The following DNAH11 variants were observed in gnomAD, a reference collection of about 807,000 sequenced individuals.
The protein encoded by DNAH11 is axonemal beta dynein heavy chain 11.
DNAH11 carries 442 observed loss-of-function variants against 526.0 expected under a neutral mutation model. That is an observed-to-expected ratio of 0.84 (90% CI 0.78 to 0.91). The LOEUF (loss-of-function observed/expected upper bound fraction) is 0.91. Ranked by LOEUF, DNAH11 falls within the 40% of genes least tolerant of loss-of-function variation. The pLI, the probability that DNAH11 is intolerant of heterozygous loss-of-function variation, is 0.00. For synonymous variants in DNAH11, 2,461 were observed against 1,935.9 expected, an observed-to-expected ratio of 1.27 and a Z score of -7.12; for missense variants, 6,989 against 5,448.7, an observed-to-expected ratio of 1.28 and a Z score of -8.90.
intron 36 of DNAH11, among the ~76,000 whole-genome samples, chr7:21,701,203 C>A (rs536505996): frequency 1.6e-4 from 25 of 152,164 alleles, no homozygotes; most frequent in African/African-American, 5.8e-4. Context: ...TTTTCCATGG[C>A]CCACAGTAAA....
Position 21,773,942 on chromosome 7 carries a change from C to T in DNAH11, c.9279C>T (p.Ser3093=), listed in dbSNP as rs200160729. 134 of 1,590,080 alleles carry T rather than the reference C, an allele frequency of 8.4e-5. No individual in the cohort carries two copies. Among genetic ancestry groups the T allele is most frequent in the Admixed American group, 1.2e-4 (7 of 56,220 alleles). The part of the protein sequence containing the change: ...NLLKKKQNEV[S]EKKERLVNGI... ...TGAAGAAGAAGCAAAATGAGGTATC[C>T]GAGAAAAAAGAACGCCTGGTGAACG... Residue 3093 remains serine (S), a synonymous_variant, in exon 56 of 82, where the codon TCC becomes TCT. Coordinates refer to ENST00000409508, the MANE Select transcript of DNAH11 (RefSeq NM_001277115.2).
At chr7:21,825,776 G>C (rs542991216) in intron 65 of DNAH11, among the ~76,000 whole-genome samples, 1 of 151,932 alleles carries the variant, frequency 6.6e-6, no homozygotes, top group Non-Finnish European at 1.5e-5. Context: ...TGGCGAACAC[G>C]GTGAAACCCC....
In DNAH11 at chr7:21,543,478, G is replaced by C; in HGVS notation, c.233G>C (p.Ser78Thr). The change falls in exon 1 of 82, where the codon AGC becomes ACC. Residue 78 changes from serine (S) to threonine (T), a missense_variant. Physicochemically the swap from Ser to Thr is moderately conservative, Grantham distance 58 (BLOSUM62 1). Transcript: ENST00000409508. ...MMLGFTEEKW[S>T]QYLESEDNRQ... ...CTGGGGTTCACGGAGGAGAAATGGA[G>C]CCAGTATTTGGAAAGCGAGGACAAC... is the stretch of plus-strand genomic sequence containing the variant. The C allele has an allele frequency of 6.3e-7, 1 of 1,596,472 alleles. No individual in the cohort carries two copies. The highest frequency in any genetic ancestry group is 8.5e-7 in the Non-Finnish European group (1 of 1,171,162).
rs569307380 is a variant in DNAH11 at position 21,843,482 on chromosome 7, GTTT to G, written c.10896+748_10896+750del. 4.6e-5 allele frequency among the ~76,000 whole-genome samples: 6 copies of G among 130,854 alleles called. 1 individual carries two copies. The highest frequency in any genetic ancestry group is 1.7e-4 in the African/African-American group (6 of 34,632). 85.8% of individuals were successfully genotyped at this position (130,854 alleles called of 152,430 possible). A position where few individuals can be genotyped will look rare whatever the true frequency, so the allele number is the denominator to read the frequency against. On this transcript the variant is annotated intron_variant, in intron 66 of 81. Transcript: ENST00000409508. ...GGAATGCTATGCTCAGGTTTTTTTT[GTTT>G]TTTTTTTTTTTTTGAGACAGAGTCT...
At position 21,739,144 on chromosome 7, in the gene DNAH11, C is replaced by T. The variant is rs10233759; in HGVS notation, c.7811+278C>T. 0.049 allele frequency among the ~76,000 whole-genome samples: 7,424 copies of T among 152,194 alleles called. 583 individuals carry two copies. The highest frequency in any genetic ancestry group is 0.17 in the African/African-American group (6,964 of 41,496). ...TAAGACTGTCCGGAAATCATGTCCT[C>T]TTTAAGAATTAACTCACACTTAATT... On this transcript the variant is annotated intron_variant, in intron 47 of 81. Transcript: ENST00000409508.
chr7:21,852,725 A>C, intron 67 of DNAH11, 94 bp downstream of exon 67: 5 of 1,337,324 alleles, frequency 3.7e-6, no homozygotes, highest in Non-Finnish European at 5.0e-6. Flanking sequence ...TAATTCCTCT[A>C]AGAGGACCAG....
At position 21,901,389 on chromosome 7, in the gene DNAH11, A is replaced by AGAGTGAAAG. The variant is rs557459411; in HGVS notation, c.*136_*144dup. 618 of 1,257,020 alleles carry AGAGTGAAAG rather than the reference A, an allele frequency of 4.9e-4. 3 individuals are homozygous for AGAGTGAAAG. In the African/African-American group the frequency reaches 7.9e-3, roughly 16 times the overall value. The allele number at this position is 1,257,020 out of a possible 1,614,324, so 77.9% of individuals were successfully genotyped here. On this transcript the variant is annotated 3_prime_UTR_variant, in exon 82 of 82. Coordinates refer to ENST00000409508, the MANE Select transcript of DNAH11 (RefSeq NM_001277115.2). The stretch of plus-strand genomic sequence containing the variant: ...GCATTCTTTTTTCAACGCTATCCTT[A>AGAGTGAAAG]GAGTGAAAGTCAGAAAAAAATACTA...
chr7:21,854,491 T>G (rs187974158), intron 68 of DNAH11, 36 bp downstream of exon 68: 1 of 1,591,586 alleles, frequency 6.3e-7, no homozygotes, highest in African/African-American at 1.4e-5. Flanking sequence ...TGGGAAACTT[T>G]AGGAGTTCAA....
At chr7:21,685,804 G>A (rs1326228434) in intron 32 of DNAH11, among the ~76,000 whole-genome samples, 1 of 152,192 alleles carries the variant, frequency 6.6e-6, no homozygotes, top group Non-Finnish European at 1.5e-5. Context: ...ATGTGTTTTA[G>A]CCAGTGAAAG....
At chr7:21,723,406 C>A (rs1784959134) in intron 44 of DNAH11, among the ~76,000 whole-genome samples, 1 of 152,184 alleles carries the variant, frequency 6.6e-6, no homozygotes, top group Non-Finnish European at 1.5e-5. Flanking sequence ...GTTCTTCAGC[C>A]ATTGCAGCCA....
rs773604233 is a variant in DNAH11 at position 21,564,280 on chromosome 7, A to G, written c.1077A>G (p.Ile359Met). 2.5e-6 allele frequency: 4 copies of G among 1,613,738 alleles called. No homozygotes were observed. The highest frequency in any genetic ancestry group is 3.4e-6 in the Non-Finnish European group (4 of 1,179,750). ...AGACGGAATTCCCACAGACACGCAT[A>G]TTAATCGCTCCATTATTTCATACCA... ...LQETEFPQTR[I>M]LIAPLFHTIC... The change falls in exon 6 of 82, where the codon ATA becomes ATG. Residue 359 changes from isoleucine to methionine, a missense_variant. Transcript: ENST00000409508.
intron 61 of DNAH11, among the ~76,000 whole-genome samples, chr7:21,798,687 C>G (rs1222672343): frequency 2.0e-5 from 3 of 152,172 alleles, no homozygotes; most frequent in Non-Finnish European, 4.4e-5. Flanking sequence ...GCTTTATTCA[C>G]CTTCATTCTC....
chr7:21,566,543 A>T (rs1783672669), intron 6 of DNAH11, among the ~76,000 whole-genome samples: 1 of 152,044 alleles, frequency 6.6e-6, no homozygotes, highest in Non-Finnish European at 1.5e-5. Flanking sequence ...CAAAAATTCA[A>T]AAGTTACACC....
Position 21,655,857 on chromosome 7 carries a change from T to G in DNAH11, c.4970T>G (p.Phe1657Cys). 1 of 1,613,278 alleles carries G rather than the reference T, an allele frequency of 6.2e-7. No individual in the cohort carries two copies. The highest frequency in any genetic ancestry group is 8.5e-7 in the Non-Finnish European group (1 of 1,179,490). The change falls in exon 29 of 82, where the codon TTC becomes TGC. Residue 1657 changes from phenylalanine to cysteine, a missense_variant. By Grantham distance (205) the Phe-to-Cys change is radical. Coordinates refer to ENST00000409508, the MANE Select transcript of DNAH11 (RefSeq NM_001277115.2). ...KQVTCHLAKLFDSIADLQFED... is the reference protein window; with the variant it reads ...KQVTCHLAKLCDSIADLQFED... ...GTAACATGTCACCTTGCCAAACTTTTCGACAGCATTGCAGATCTGCAGTTT... is the reference window on the plus strand; with the variant it reads ...GTAACATGTCACCTTGCCAAACTTTGCGACAGCATTGCAGATCTGCAGTTT...
chr7:21,568,541 G>A (rs563433311), intron 6 of DNAH11, among the ~76,000 whole-genome samples: 2 of 152,044 alleles, frequency 1.3e-5, no homozygotes. Flanking sequence ...CTGCCTCCCC[G>A]TGCAAGGAGA....
chr7:21,841,418 A>G (rs1341980450), intron 65 of DNAH11, among the ~76,000 whole-genome samples: 1 of 152,146 alleles, frequency 6.6e-6, no homozygotes, highest in South Asian at 2.1e-4. Context: ...ACATACTTTC[A>G]TGCTAATGTT....
At chr7:21,862,119 A>C (rs1405656836) in intron 69 of DNAH11, 96 bp downstream of exon 69, 1 of 1,154,008 alleles carries the variant, frequency 8.7e-7, no homozygotes, top group East Asian at 2.9e-5. Flanking sequence ...AAAATATAAT[A>C]GACTTTTTTT....
chr7:21,584,359 A>G (rs905064309), intron 9 of DNAH11, among the ~76,000 whole-genome samples: 3 of 152,168 alleles, frequency 2.0e-5, no homozygotes, highest in African/African-American at 7.2e-5. Flanking sequence ...GTTCTCACTC[A>G]TAAGTGGGAG....
rs552538422 is a variant in DNAH11, at chr7:21,573,465, GTTAAC to G, written c.1593+1497_1593+1501del. Among the ~76,000 whole-genome samples the G allele has an allele frequency of 3.3e-3, 501 of 152,138 alleles. 1 individual carries two copies. Among genetic ancestry groups the G allele is most frequent in the Non-Finnish European group, 5.5e-3 (371 of 68,006 alleles). On this transcript the variant is annotated intron_variant, in intron 8 of 81. Coordinates refer to ENST00000409508, the MANE Select transcript of DNAH11 (RefSeq NM_001277115.2). Reference sequence around the variant, plus strand: ...AAATTAAAACATGAATTAACTAAAAGTTAACTTAATCAGCATACTTATGTTGAAAA... The same window carrying G: ...AAATTAAAACATGAATTAACTAAAAGTTAATCAGCATACTTATGTTGAAAA...
Sources: gnomAD v4.1 joint callset for allele counts (sites outside exome capture counted in the v4.1 genomes callset) on GRCh38, gnomAD v4.1.1 for gene constraint, MANE v1.5 for transcripts, NCBI Gene and HGNC (gene_info 2026-07-23, HGNC 2026-07-21) for gene names.